KCTD2: variants seen among roughly 807,000 people sequenced by gnomAD.
The protein encoded by KCTD2 is BTB/POZ domain-containing protein KCTD2.
KCTD2 carries 18 observed loss-of-function variants against 27.9 expected under a neutral mutation model. That is an observed-to-expected ratio of 0.64 (90% CI 0.45 to 0.96). KCTD2 has a LOEUF of 0.96. Among genes scored for constraint, KCTD2 ranks in the 40% least tolerant of loss-of-function variants. The pLI is 0.00. For missense variants in KCTD2, 280 were observed against 348.0 expected (o/e 0.80, Z 1.56); for synonymous variants, 175 against 148.4 (o/e 1.18, Z -1.30).
At chr17:75,034,476 A>G (rs2040095172) in intron 2 of KCTD2, among the ~76,000 whole-genome samples, 1 of 152,184 alleles carries the variant, frequency 6.6e-6, no homozygotes, top group African/African-American at 2.4e-5. Context: ...TTAGGAGGCC[A>G]GTGCCTTATC....
Position 75,047,311 on chromosome 17 carries a change from G to T in KCTD2, c.61G>T (p.Val21Leu). ...GCTGGGAGGGGGCGGCGGGAGTGGG[G>T]TGGGCGACGGGGGTGGCCCAGTCCG... The part of the protein sequence containing the change: ...AGLGGGGGSG[V>L]GDGGGPVRGP... Residue 21 changes from valine to leucine, a missense_variant, in exon 1 of 6, where the codon GTG becomes TTG. Transcript: ENST00000322444. 8.7e-7 allele frequency: 1 copy of T among 1,153,518 alleles called. No individual in the cohort carries two copies. The highest frequency in any genetic ancestry group is 1.1e-6 in the Non-Finnish European group (1 of 935,798). The allele number at this position is 1,153,518 out of a possible 1,614,324, so 71.5% of individuals were successfully genotyped here. A position where few individuals can be genotyped will look rare whatever the true frequency, so the allele number is the denominator to read the frequency against.
intron 3 of KCTD2, chr17:75,039,791 A>G (rs1338756418): frequency 2.5e-6 from 1 of 400,108 alleles, no homozygotes; most frequent in Non-Finnish European, 4.5e-6. Context: ...TGATATAGGT[A>G]TCCACCTGTG....
rs1420710825 is a variant in KCTD2 at position 75,052,996 on chromosome 17, GT to G, written c.449-14del. 1 of 1,609,570 alleles carries G rather than the reference GT, an allele frequency of 6.2e-7. No individual in the cohort carries two copies. The highest frequency in any genetic ancestry group is 8.5e-7 in the Non-Finnish European group (1 of 1,175,926). On this transcript the variant is annotated splice_polypyrimidine_tract_variant and intron_variant, in intron 2 of 5. Coordinates refer to ENST00000322444, the MANE Select transcript of KCTD2 (RefSeq NM_015353.3). ...AAACCCTCGCACCTATCTGACTGCA[GT>G]TTTGTCCTTGTTCCAGGTGTGCTGG...
chr17:75,043,112 T>G (rs1005273689), upstream of KCTD2, among the ~76,000 whole-genome samples: 3 of 149,484 alleles, frequency 2.0e-5, no homozygotes, highest in Non-Finnish European at 3.0e-5. Context: ...TCCCAGCTAC[T>G]CCAGAGGCTG....
chr17:75,038,055 T>C (rs569280725), intron 3 of KCTD2, among the ~76,000 whole-genome samples: 1 of 151,702 alleles, frequency 6.6e-6, no homozygotes, highest in Non-Finnish European at 1.5e-5. Context: ...TCTTAAAAAA[T>C]AATAATAAAA....
At chr17:75,047,665 A>G in intron 1 of KCTD2, 76 bp downstream of exon 1, 1 of 1,457,552 alleles carries the variant, frequency 6.9e-7, no homozygotes, top group Non-Finnish European at 9.1e-7. Flanking sequence ...CAGAGTCCTG[A>G]GACACGCTCC....
chr17:75,052,260 C>T (rs75583122), intron 2 of KCTD2, among the ~76,000 whole-genome samples: 2,351 of 152,280 alleles, frequency 0.015, 32 homozygotes, highest in Non-Finnish European at 0.026. Context: ...TATTTCCTAG[C>T]AGAAGGAGAG....
upstream of KCTD2, among the ~76,000 whole-genome samples, chr17:75,044,223 G>T (rs1443201636): frequency 1.3e-5 from 1 of 78,266 alleles, no homozygotes; most frequent in Non-Finnish European, 2.0e-5. Flanking sequence ...TTTTGAGACG[G>T]AGTCTCGCTC....
intron 3 of KCTD2, chr17:75,041,315 A>C (rs2073157197): frequency 6.6e-6 from 1 of 150,470 alleles, no homozygotes; most frequent in Non-Finnish European, 1.5e-5. Context: ...AGATGGCGCC[A>C]CTGCACTCCA....
intron 1 of KCTD2, among the ~76,000 whole-genome samples, chr17:75,048,360 C>T (rs958830353): frequency 3.9e-5 from 6 of 152,080 alleles, no homozygotes; most frequent in African/African-American, 1.4e-4. Flanking sequence ...CCTTTAAGTT[C>T]TCAACTTAAA....
intron 3 of KCTD2, among the ~76,000 whole-genome samples, chr17:75,055,842 A>T (rs949258207): frequency 6.6e-6 from 1 of 151,374 alleles, no homozygotes; most frequent in Non-Finnish European, 1.5e-5. Context: ...TAAAAAAAAA[A>T]AAAGAAAGAA....
At chr17:75,046,272 C>A (rs564863011), upstream of KCTD2, among the ~76,000 whole-genome samples, 9 of 152,220 alleles carry the variant, frequency 5.9e-5, no homozygotes, top group Non-Finnish European at 1.5e-5. Context: ...TTAGTAGAGG[C>A]GGGGTTTCAC....
chr17:75,060,189 C>A (rs748836239), intron 4 of KCTD2, among the ~76,000 whole-genome samples: 1 of 152,050 alleles, frequency 6.6e-6, no homozygotes, highest in African/African-American at 2.4e-5. Context: ...AATTCTGTTG[C>A]CTTCAAAACA....
intron 5 of KCTD2, 111 bp from the exon 6 acceptor site, chr17:75,062,906 TC>T: frequency 2.6e-6 from 3 of 1,163,514 alleles, no homozygotes; most frequent in Non-Finnish European, 2.6e-6. Flanking sequence ...CCTGCTTGCT[TC>T]CTGGGATGAC....
chr17:75,061,806 G>A (rs150103793), intron 4 of KCTD2, among the ~76,000 whole-genome samples: 84 of 152,182 alleles, frequency 5.5e-4, no homozygotes, highest in African/African-American at 1.9e-3. Context: ...TGGCAGATGC[G>A]TTCTGTCTTC....
chr17:75,053,365 T>C (rs919637806), intron 3 of KCTD2, among the ~76,000 whole-genome samples: 2 of 152,140 alleles, frequency 1.3e-5, no homozygotes, highest in Non-Finnish European at 2.9e-5. Flanking sequence ...CAGGGCACTT[T>C]AGGTCTAAAA....
chr17:75,043,625 A>AC (rs1024569900), upstream of KCTD2, among the ~76,000 whole-genome samples: 4 of 151,828 alleles, frequency 2.6e-5, no homozygotes, highest in Admixed American at 1.3e-4. Flanking sequence ...AAAAAAAAAA[A>AC]AAACAAACCC....
chr17:75,045,497 C>G (rs1228527683), upstream of KCTD2, among the ~76,000 whole-genome samples: 1 of 152,208 alleles, frequency 6.6e-6, no homozygotes, highest in South Asian at 2.1e-4. Flanking sequence ...GAGACAGGTA[C>G]GCCCCAGGGG....
chr17:75,054,399 A>T lies in KCTD2; in HGVS notation c.540+1294A>T, dbSNP rs1248620084. Among the ~76,000 whole-genome samples the T allele has an allele frequency of 3.3e-5, 5 of 152,166 alleles. No homozygotes were observed. The East Asian group carries it at 9.6e-4, about 29-fold the overall frequency. ...AGAGGAAAGAAAGATGTTACGGCAC[A>T]TCTATTTCACATCCTGCCATTCGTC... On this transcript the variant is annotated intron_variant, in intron 3 of 5. Coordinates refer to ENST00000322444, the MANE Select transcript of KCTD2 (RefSeq NM_015353.3).
Sources: gnomAD v4.1 joint callset for allele counts (sites outside exome capture counted in the v4.1 genomes callset) on GRCh38, gnomAD v4.1.1 for gene constraint, MANE v1.5 for transcripts, NCBI Gene and HGNC (gene_info 2026-07-23, HGNC 2026-07-21) for gene names.